The following NELL1 variants were observed in gnomAD, a reference collection of about 807,000 sequenced individuals.
NELL1 encodes the protein neural EGFL like 1, also known as protein kinase C-binding protein NELL1.
In NELL1, 76 loss-of-function variants were observed where a neutral mutation model predicts 107.4. The ratio of observed to expected loss-of-function variants is 0.71; its 90% CI spans 0.59 to 0.86. The LOEUF (loss-of-function observed/expected upper bound fraction) is 0.86. Among genes scored for constraint, NELL1 ranks in the 40% least tolerant of loss-of-function variants. NELL1 has a pLI of 0.00. For synonymous variants in NELL1, 353 were observed against 341.2 expected (o/e 1.03, Z -0.38); for missense variants, 1,024 against 1,005.5 (o/e 1.02, Z -0.25).
At chr11:21,183,580 C>G (rs1055812812) in intron 13 of NELL1, among the ~76,000 whole-genome samples, 1 of 151,770 alleles carries the variant, frequency 6.6e-6, no homozygotes, top group African/African-American at 2.4e-5. Context: ...TAAGGAAATG[C>G]AGGCATCGAT....
rs34302489 is a variant in NELL1 at position 21,369,362 on chromosome 11, A to ATTT, written c.1550-1473_1550-1471dup. On this transcript the variant is annotated intron_variant, in intron 14 of 19. Transcript: ENST00000357134. ...TGATGAACTTACCATGGTAGGTACT[A>ATTT]TTTTTTTTTTTTTTTTTTTTGCATA... Among the ~76,000 whole-genome samples the ATTT allele has an allele frequency of 4.5e-4, 50 of 110,404 alleles. 1 individual carries two copies. Among genetic ancestry groups the ATTT allele is most frequent in the African/African-American group, 6.2e-4 (19 of 30,766 alleles). The allele number at this position is 110,404 out of a possible 152,430, so 72.4% of individuals were successfully genotyped here.
intron 12 of NELL1, among the ~76,000 whole-genome samples, chr11:20,975,872 TAC>T (rs200592918): frequency 2.0e-4 from 24 of 118,820 alleles, no homozygotes; most frequent in East Asian, 4.9e-4. Context: ...GTATTATATA[TAC>T]ACATACATGT....
chr11:20,710,898 T>A (rs1220992276), intron 2 of NELL1, among the ~76,000 whole-genome samples: 1 of 152,078 alleles, frequency 6.6e-6, no homozygotes, highest in African/African-American at 2.4e-5. Flanking sequence ...TAATTGAGCT[T>A]ATTTGGATCT....
chr11:20,975,850 A>G (rs1292491032), intron 12 of NELL1, among the ~76,000 whole-genome samples: 3 of 136,078 alleles, frequency 2.2e-5, no homozygotes, highest in East Asian at 2.1e-4. Context: ...TGTATTATAT[A>G]TACATATATG....
intron 4 of NELL1, among the ~76,000 whole-genome samples, chr11:20,861,416 C>T (rs1848976249): frequency 6.6e-6 from 1 of 152,156 alleles, no homozygotes; most frequent in African/African-American, 2.4e-5. Context: ...ACTGCTTTGT[C>T]CCTTGGTAGT....
Position 20,847,951 on chromosome 11 carries a change from A to G in NELL1, c.506+198A>G, listed in dbSNP as rs1351430427. ...TATGATAAGAAAACAGTTCATTAAG[A>G]TGAAACTGTATCCCGTGATTAGGAG... On this transcript the variant is annotated intron_variant, in intron 4 of 19. Coordinates refer to ENST00000357134, the MANE Select transcript of NELL1 (RefSeq NM_006157.5). 2.6e-5 allele frequency among the ~76,000 whole-genome samples: 4 copies of G among 152,182 alleles called. No individual in the cohort carries two copies. In the East Asian group the frequency reaches 7.7e-4, roughly 29 times the overall value.
Position 20,714,078 on chromosome 11 carries a change from C to T in NELL1, c.184+36018C>T, listed in dbSNP as rs1456536150. Among the ~76,000 whole-genome samples, 13 of 151,188 alleles carry T rather than the reference C, an allele frequency of 8.6e-5. 1 individual carries two copies. Among genetic ancestry groups the T allele is most frequent in the African/African-American group, 3.2e-4 (13 of 41,132 alleles). On this transcript the variant is annotated intron_variant, in intron 2 of 19. Transcript: ENST00000357134. ...GATCAATGCATTCTTTTGTTTTTTTCTGGTATGTTTCTGTGGTGGTTCTTC... is the reference window on the plus strand; with the variant it reads ...GATCAATGCATTCTTTTGTTTTTTTTTGGTATGTTTCTGTGGTGGTTCTTC...
At chr11:20,758,986 G>A (rs532470121) in intron 2 of NELL1, among the ~76,000 whole-genome samples, 6 of 152,286 alleles carry the variant, frequency 3.9e-5, no homozygotes, top group African/African-American at 7.2e-5. Context: ...ACTGATGTTC[G>A]TTGAGCCTAC....
Position 21,073,005 on chromosome 11 carries a change from G to A in NELL1, c.1301-40584G>A, listed in dbSNP as rs115229884. On this transcript the variant is annotated intron_variant, in intron 12 of 19. Transcript: ENST00000357134. ...CTCTTTCTTCCTTCATTTCCCCATC[G>A]TTTATAATAGCAAGATCCCTGAACC... Among the ~76,000 whole-genome samples, 1,335 of 152,068 alleles carry A rather than the reference G, an allele frequency of 8.8e-3. 19 individuals carry two copies. The highest frequency in any genetic ancestry group is 0.028 in the African/African-American group (1,155 of 41,470).
chr11:21,511,391 C>G lies in NELL1; in HGVS notation c.1646-22983C>G, dbSNP rs573241828. Among the ~76,000 whole-genome samples, 23 of 152,264 alleles carry G rather than the reference C, an allele frequency of 1.5e-4. No homozygotes were observed. The East Asian group carries it at 4.5e-3, about 29-fold the overall frequency. ...GTAAGTAATGCTCCAGAGAAGCGCCCTCCACTAAGCCTGCCATTCTCACCA... is the reference window on the plus strand; with the variant it reads ...GTAAGTAATGCTCCAGAGAAGCGCCGTCCACTAAGCCTGCCATTCTCACCA... On this transcript the variant is annotated intron_variant, in intron 15 of 19. Coordinates refer to ENST00000357134, the MANE Select transcript of NELL1 (RefSeq NM_006157.5).
chr11:21,234,794 A>G (rs981899060), intron 14 of NELL1, among the ~76,000 whole-genome samples: 1 of 152,214 alleles, frequency 6.6e-6, no homozygotes, highest in Non-Finnish European at 1.5e-5. Flanking sequence ...TGATATAGAC[A>G]GAAAGAGTAA....
intron 3 of NELL1, among the ~76,000 whole-genome samples, chr11:20,835,890 A>G (rs752412702): frequency 1.5e-4 from 23 of 152,196 alleles, no homozygotes; most frequent in Non-Finnish European, 2.8e-4. Context: ...TAGGTACAAC[A>G]TGAATAGTAT....
intron 15 of NELL1, among the ~76,000 whole-genome samples, chr11:21,527,808 C>T (rs1161014903): frequency 6.6e-6 from 1 of 152,152 alleles, no homozygotes; most frequent in East Asian, 1.9e-4. Flanking sequence ...AAGCATCCAG[C>T]ACAGGAGAAA....
At chr11:20,818,487 A>G (rs1857677386) in intron 3 of NELL1, among the ~76,000 whole-genome samples, 1 of 151,254 alleles carries the variant, frequency 6.6e-6, no homozygotes, top group South Asian at 2.1e-4. Context: ...CCAAAGTCAT[A>G]CAGATAGAAA....
intron 12 of NELL1, among the ~76,000 whole-genome samples, chr11:21,082,544 T>C (rs1854293418): frequency 6.6e-6 from 1 of 152,072 alleles, no homozygotes. Flanking sequence ...TTAAATTCAT[T>C]TTTCTAAAAT....
intron 3 of NELL1, among the ~76,000 whole-genome samples, chr11:20,815,540 G>T (rs1031118585): frequency 6.6e-6 from 1 of 152,120 alleles, no homozygotes; most frequent in East Asian, 1.9e-4. Context: ...GTCCCTTGTA[G>T]ATTGTAGTTA....
intron 15 of NELL1, among the ~76,000 whole-genome samples, chr11:21,473,627 T>C (rs1206504560): frequency 1.3e-5 from 2 of 152,034 alleles, no homozygotes; most frequent in Non-Finnish European, 2.9e-5. Context: ...CATAGCTAAC[T>C]TGGCATTCCC....
At chr11:21,262,671 T>C (rs191987042) in intron 14 of NELL1, 13 of 139,660 alleles carry the variant, frequency 9.3e-5, no homozygotes, top group Non-Finnish European at 1.3e-4. Context: ...CCCAATGCTA[T>C]TCTGACTTTT....
At chr11:20,772,730 C>A (rs1327776580) in intron 2 of NELL1, among the ~76,000 whole-genome samples, 1 of 152,164 alleles carries the variant, frequency 6.6e-6, no homozygotes, top group Non-Finnish European at 1.5e-5. Flanking sequence ...ACAGCAGGTA[C>A]TTGGCAGAGC....
Sources: gnomAD v4.1 joint callset for allele counts (sites outside exome capture counted in the v4.1 genomes callset) on GRCh38, gnomAD v4.1.1 for gene constraint, MANE v1.5 for transcripts, NCBI Gene and HGNC (gene_info 2026-07-23, HGNC 2026-07-21) for gene names.